PRAMEF14: variants seen among roughly 807,000 people sequenced by gnomAD.
The protein encoded by PRAMEF14 is PRAME family member 14.
Under a neutral mutation model 38.3 loss-of-function variants are expected in PRAMEF14, and 24 were observed. That is an observed-to-expected ratio of 0.63 (90% CI 0.45 to 0.88). PRAMEF14 has a LOEUF of 0.88. Ranked by LOEUF, PRAMEF14 falls within the 40% of genes least tolerant of loss-of-function variation. The pLI, the probability that PRAMEF14 is intolerant of heterozygous loss-of-function variation, is 0.00. For missense variants in PRAMEF14, 477 were observed against 570.8 expected, an observed-to-expected ratio of 0.84 and a Z score of 1.67; for synonymous variants, 194 against 226.4, an observed-to-expected ratio of 0.86 and a Z score of 1.29.
chr1:13,343,475 A>G (rs1640359457), intron 3 of PRAMEF14: 1 of 657,092 alleles, frequency 1.5e-6, no homozygotes, highest in Non-Finnish European at 2.4e-6. Flanking sequence ...ACATGCCTGC[A>G]TCTGCAAACC....
chr1:13,342,712 G>A lies in PRAMEF14; in HGVS notation c.1241C>T (p.Ala414Val), dbSNP rs1224720814. ...LSKLSLETYP[A>V]PEESLNSLVR... ...CAAGGAATTCAAACTCTCCTCAGGG[G>A]CAGGATACGTCTCCAGGCTTAACTT... is the stretch of plus-strand genomic sequence containing the variant. The change falls in exon 4 of 4, where the codon GCC (alanine) becomes GTC (valine). Residue 414 changes from alanine to valine, a missense_variant. Physicochemically the swap from Ala to Val is moderately conservative, Grantham distance 64 (BLOSUM62 0). Coordinates refer to ENST00000334600, the MANE Select transcript of PRAMEF14 (RefSeq NM_001024661.2). The A allele has an allele frequency of 2.5e-6, 4 of 1,605,140 alleles. No individual in the cohort carries two copies. Among genetic ancestry groups the A allele is most frequent in the African/African-American group, 1.3e-5 (1 of 74,596 alleles).
At position 13,342,947 on chromosome 1, in the gene PRAMEF14, T is replaced by C; in HGVS notation, c.1006A>G (p.Ser336Gly). The change falls in exon 4 of 4, where the codon AGT becomes GGT. Residue 336 changes from serine to glycine, a missense_variant. This residue lies in a region of PRAMEF14 where 34 missense variants were observed against 66.1 expected (regional missense o/e 0.51). Coordinates refer to ENST00000334600, the MANE Select transcript of PRAMEF14 (RefSeq NM_001024661.2). ...AGCAGAGCTCCGAGGGGTTCAAGACTGATGCGGAACAGCAGCACGTAGCTG... is the reference window on the plus strand; with the variant it reads ...AGCAGAGCTCCGAGGGGTTCAAGACCGATGCGGAACAGCAGCACGTAGCTG... ...NLSYVLLFRI[S>G]LEPLGALLEK... 1 of 1,608,412 alleles carries C rather than the reference T, an allele frequency of 6.2e-7. No individual in the cohort carries two copies. Among genetic ancestry groups the C allele is most frequent in the Non-Finnish European group, 8.5e-7 (1 of 1,178,224 alleles).
At position 13,345,136 on chromosome 1, in the gene PRAMEF14, G is replaced by A; in HGVS notation, c.179C>T (p.Pro60Leu). The change falls in exon 2 of 4, where the codon CCC becomes CTC. Residue 60 changes from proline (P) to leucine (L), a missense_variant. Physicochemically the swap from Pro to Leu is moderately conservative, Grantham distance 98. This residue lies in a region of PRAMEF14 where 58 missense variants were observed against 119.9 expected (regional missense o/e 0.48). Transcript: ENST00000334600. The part of the protein sequence containing the change: ...QTLTVMVQAW[P>L]FTCLPLGSLM... ...TGATCCCAGAGGGAGGCAGGTGAAGGGCCAGGCCTGCACCATCACCGTCAG... is the reference window on the plus strand; with the variant it reads ...TGATCCCAGAGGGAGGCAGGTGAAGAGCCAGGCCTGCACCATCACCGTCAG... The A allele has an allele frequency of 1.9e-6, 3 of 1,600,694 alleles. No homozygotes were observed. The highest frequency in any genetic ancestry group is 2.6e-6 in the Non-Finnish European group (3 of 1,173,868).
chr1:13,342,654 A>G lies in PRAMEF14; in HGVS notation c.1299T>C (p.Leu433=). 6.2e-7 allele frequency: 1 copy of G among 1,605,144 alleles called. No individual in the cohort carries two copies. Among genetic ancestry groups the G allele is most frequent in the Non-Finnish European group, 8.5e-7 (1 of 1,178,062 alleles). The part of the protein sequence containing the change: ...VRVDWEIFAL[L]RAELMCTLRE... Reference sequence around the variant, plus strand: ...TCAGTGTACACATCAGCTCAGCCCGAAGTAGGGCGAAGATCTCCCAATCGA... The same window carrying G: ...TCAGTGTACACATCAGCTCAGCCCGGAGTAGGGCGAAGATCTCCCAATCGA... Residue 433 remains leucine (L), a synonymous_variant, in exon 4 of 4, where the codon CTT becomes CTC. Transcript: ENST00000334600.
Position 13,344,420 on chromosome 1 carries a change from C to T in PRAMEF14, c.484G>A (p.Glu162Lys). The T allele has an allele frequency of 3.7e-6, 6 of 1,604,670 alleles. No homozygotes were observed. The highest frequency in any genetic ancestry group is 5.1e-6 in the Non-Finnish European group (6 of 1,177,096). The change falls in exon 3 of 4, where the codon GAA becomes AAA. Residue 162 changes from glutamate (E) to lysine (K), a missense_variant. Around this residue, in one of 4 missense-constraint regions of PRAMEF14, gnomAD observed 234 missense variants for 247.4 expected, o/e 0.95. Transcript: ENST00000334600. ...CACTGAAAGAGGTATCTCAGGCATT[C>T]ATCCTGGGGTATTTCCTTGAGGCAG... ...DICLKEIPQD[E>K]CLRYLFQWVY...
Position 13,344,600 on chromosome 1 carries a change from C to G in PRAMEF14, c.304G>C (p.Val102Leu). The G allele has an allele frequency of 1.4e-5, 22 of 1,604,264 alleles. No homozygotes were observed. Among genetic ancestry groups the G allele is most frequent in the Non-Finnish European group, 1.8e-5 (21 of 1,176,982 alleles). ...KDRPRRWKLQ[V>L]LDLRDVDENF... ...TCATCAACATCCCGCAAATCCAGCACTTGAAGTTTCCACCTCCTGTGGGTA... is the reference window on the plus strand; with the variant it reads ...TCATCAACATCCCGCAAATCCAGCAGTTGAAGTTTCCACCTCCTGTGGGTA... Residue 102 changes from valine (V) to leucine (L), a missense_variant, in exon 3 of 4, where the codon GTG becomes CTG. Physicochemically the swap from Val to Leu is conservative, Grantham distance 32. Around this residue, in one of 4 missense-constraint regions of PRAMEF14, gnomAD observed 234 missense variants for 247.4 expected, o/e 0.95. Coordinates refer to ENST00000334600, the MANE Select transcript of PRAMEF14 (RefSeq NM_001024661.2).
chr1:13,346,619 T>C (rs1467731104), intron 1 of PRAMEF14, among the ~76,000 whole-genome samples: 1 of 148,690 alleles, frequency 6.7e-6, no homozygotes, highest in Non-Finnish European at 1.5e-5. Context: ...TGATGGATCC[T>C]AGGGGCAAAG....
intron 3 of PRAMEF14, 199 bp downstream of exon 3, chr1:13,343,839 C>A (rs1314393107): frequency 1.0e-5 from 15 of 1,498,686 alleles, no homozygotes; most frequent in South Asian, 6.6e-5. Context: ...CCAGGTGACC[C>A]CTCTGCCCTT....
At position 13,345,249 on chromosome 1, in the gene PRAMEF14, G is replaced by C. The variant is rs2100353918; in HGVS notation, c.66C>G (p.Ala22=). The C allele has an allele frequency of 6.2e-7, 1 of 1,607,396 alleles. No individual in the cohort carries two copies. Among genetic ancestry groups the C allele is most frequent in the South Asian group, 1.1e-5 (1 of 90,710 alleles). The change falls in exon 2 of 4, where the codon GCC becomes GCG. Residue 22 remains alanine (A), a synonymous_variant. Transcript: ENST00000334600. ...GCTCCTCCATGGCAGAGATGGACAA[G>C]GCCTGGTCTCTCAGCAGGCTCTGCC... ...LAGQSLLRDQ[A]LSISAMEELP...
In PRAMEF14 at chr1:13,344,283, A is replaced by G; in HGVS notation, c.621T>C (p.Ile207=). 1 of 1,606,130 alleles carries G rather than the reference A, an allele frequency of 6.2e-7. No homozygotes were observed. Among genetic ancestry groups the G allele is most frequent in the Admixed American group, 1.7e-5 (1 of 59,844 alleles). ...KSLKIIYLNS[I]QQLEIRNMSW... is the part of the protein sequence containing the mutation. Reference sequence around the variant, plus strand: ...ACATGTTGCGAATTTCCAGCTGTTGAATACTATTCAGGTATATTATTTTCA... The same window carrying G: ...ACATGTTGCGAATTTCCAGCTGTTGGATACTATTCAGGTATATTATTTTCA... Residue 207 remains isoleucine (I), a synonymous_variant, in exon 3 of 4, where the codon ATT becomes ATC. Transcript: ENST00000334600.
chr1:13,343,073 G>C lies in PRAMEF14; in HGVS notation c.880C>G (p.Pro294Ala). The part of the protein sequence containing the change: ...LEQLIRCLQN[P>A]LENLELTYGY... ...TAAGTTAATTCCAAGTTCTCCAAGG[G>C]GTTCTGGAGGCACCTGTGGAGATCA... Residue 294 changes from proline to alanine, a missense_variant, in exon 4 of 4, where the codon CCC (proline) becomes GCC (alanine). Transcript: ENST00000334600. 2 of 1,611,652 alleles carry C rather than the reference G, an allele frequency of 1.2e-6. No individual in the cohort carries two copies. Among genetic ancestry groups the C allele is most frequent in the Non-Finnish European group, 1.7e-6 (2 of 1,179,088 alleles).
Position 13,344,122 on chromosome 1 carries a change from G to A in PRAMEF14, c.782C>T (p.Ser261Phe). 1 of 1,606,704 alleles carries A rather than the reference G, an allele frequency of 6.2e-7. No individual in the cohort carries two copies. The highest frequency in any genetic ancestry group is 1.1e-5 in the South Asian group (1 of 90,618). Residue 261 changes from serine (S) to phenylalanine (F), a missense_variant, in exon 3 of 4, where the codon TCT becomes TTT. Around this residue, in one of 4 missense-constraint regions of PRAMEF14, gnomAD observed 234 missense variants for 247.4 expected, o/e 0.95. Transcript: ENST00000334600. ...GAGGTGTTCCAGCCTGAGGAACACA[G>A]AGCTGAATTTGGTGACTAACCGTCC... ...LEGRLVTKFSSVFLRLEHLQL... is the reference protein window; with the variant it reads ...LEGRLVTKFSFVFLRLEHLQL...
rs555962870 is a variant in PRAMEF14, at chr1:13,342,678, G to T, written c.1275C>A (p.Val425=). Residue 425 remains valine (V), a synonymous_variant, in exon 4 of 4, where the codon GTC becomes GTA. Coordinates refer to ENST00000334600, the MANE Select transcript of PRAMEF14 (RefSeq NM_001024661.2). ...PEESLNSLVR[V]DWEIFALLRA... is the part of the protein sequence containing the mutation. Reference sequence around the variant, plus strand: ...GAAGTAGGGCGAAGATCTCCCAATCGACACGAACCAAGGAATTCAAACTCT... The same window carrying T: ...GAAGTAGGGCGAAGATCTCCCAATCTACACGAACCAAGGAATTCAAACTCT... 2.5e-6 allele frequency: 4 copies of T among 1,604,948 alleles called. 1 individual carries two copies. The South Asian group carries it at 4.4e-5, about 18-fold the overall frequency.
chr1:13,343,170 A>G (rs1469094452), intron 3 of PRAMEF14, 84 bp from the exon 4 acceptor site: 13 of 918,166 alleles, frequency 1.4e-5, no homozygotes, highest in Admixed American at 1.3e-4. Flanking sequence ...GCCTGCGTCA[A>G]ACAAACACAA....
chr1:13,345,449 G>A lies in PRAMEF14; in HGVS notation c.-25-110C>T. On this transcript the variant is annotated intron_variant, in intron 1 of 3. Transcript: ENST00000334600. Reference sequence around the variant, plus strand: ...CAAACACCAAGGAGGGAGGGGTCAAGGAGACCACTGGCTTATTAATTTTCA... The same window carrying A: ...CAAACACCAAGGAGGGAGGGGTCAAAGAGACCACTGGCTTATTAATTTTCA... 3.7e-6 allele frequency: 5 copies of A among 1,333,900 alleles called. 1 individual carries two copies. In the South Asian group the frequency reaches 5.7e-5, roughly 15 times the overall value. 82.6% of individuals were successfully genotyped at this position (1,333,900 alleles called of 1,614,324 possible).
intron 1 of PRAMEF14, among the ~76,000 whole-genome samples, chr1:13,345,812 T>A (rs1640395725): frequency 6.6e-6 from 1 of 151,898 alleles, no homozygotes; most frequent in African/African-American, 2.4e-5. Context: ...GAGAACAGCC[T>A]GGCCTACATA....
chr1:13,346,815 T>G (rs1474935008), intron 1 of PRAMEF14, among the ~76,000 whole-genome samples: 3 of 150,334 alleles, frequency 2.0e-5, no homozygotes, highest in East Asian at 2.1e-4. Context: ...TCACTGTAAA[T>G]TTTTAATATA....
At position 13,342,736 on chromosome 1, in the gene PRAMEF14, T is replaced by G. The variant is rs1317291636; in HGVS notation, c.1217A>C (p.Lys406Thr). ...GGCAGGATACGTCTCCAGGCTTAAC[T>G]TGCTCAGCCCACTGGTGTGGCACAA... Reference protein sequence around the residue: ...DLLCHTSGLSKLSLETYPAPE... With the variant: ...DLLCHTSGLSTLSLETYPAPE... Residue 406 changes from lysine to threonine, a missense_variant, in exon 4 of 4, where the codon AAG (lysine) becomes ACG (threonine). Around this residue, in one of 4 missense-constraint regions of PRAMEF14, gnomAD observed 151 missense variants for 137.4 expected, o/e 1.10. Coordinates refer to ENST00000334600, the MANE Select transcript of PRAMEF14 (RefSeq NM_001024661.2). 4 of 1,604,724 alleles carry G rather than the reference T, an allele frequency of 2.5e-6. No homozygotes were observed. Among genetic ancestry groups the G allele is most frequent in the Non-Finnish European group, 1.7e-6 (2 of 1,177,610 alleles).
chr1:13,345,524 C>T (rs1415180144), intron 1 of PRAMEF14, among the ~76,000 whole-genome samples, 185 bp from the exon 2 acceptor site: 8 of 150,864 alleles, frequency 5.3e-5, no homozygotes, highest in African/African-American at 1.9e-4. Context: ...CACTGAGGAT[C>T]CTGAAAGCCA....
Sources: gnomAD v4.1 joint callset for allele counts (sites outside exome capture counted in the v4.1 genomes callset) on GRCh38, gnomAD v4.1.1 for gene constraint, gnomAD v4.1.1 regional missense constraint, MANE v1.5 for transcripts, NCBI Gene and HGNC (gene_info 2026-07-23, HGNC 2026-07-21) for gene names.